Variants in MYPN observed in about 807,000 individuals in gnomAD.
MYPN encodes sarcomeric protein myopalladin, 145 kDa (MYOP).
MYPN carries 63 observed loss-of-function variants against 129.4 expected under a neutral mutation model. The observed-to-expected ratio is 0.49, with a 90% CI of 0.40 to 0.60. The LOEUF (loss-of-function observed/expected upper bound fraction) is 0.60. Ranked by LOEUF, MYPN falls within the 20% of genes least tolerant of loss-of-function variation. The pLI is 0.00. For missense variants in MYPN, 1,596 were observed against 1,635.4 expected, an observed-to-expected ratio of 0.98 and a Z score of 0.42; for synonymous variants, 629 against 600.9, an observed-to-expected ratio of 1.05 and a Z score of -0.68.
At position 68,136,228 on chromosome 10, in the gene MYPN, T is replaced by C. The variant is rs951577123; in HGVS notation, c.903-6712T>C. 3.0e-6 allele frequency: 3 copies of C among 986,166 alleles called. No individual in the cohort carries two copies. The African/African-American group carries it at 5.2e-5, about 17-fold the overall frequency. 61.1% of individuals were successfully genotyped at this position (986,166 alleles called of 1,614,324 possible). On this transcript the variant is annotated intron_variant, in intron 2 of 19. Transcript: ENST00000358913. ...TTCCCAGGCTTGCTAGCTAGCCAAA[T>C]GAGCAGATCTGGCAAGCCATCCTTG...
chr10:68,150,780 C>A (rs1006729716), intron 6 of MYPN, among the ~76,000 whole-genome samples: 2 of 152,076 alleles, frequency 1.3e-5, no homozygotes, highest in Non-Finnish European at 2.9e-5. Context: ...ATATGTTGCC[C>A]AAGCCAGTGA....
At chr10:68,143,903 C>T (rs981751877) in intron 3 of MYPN, among the ~76,000 whole-genome samples, 6 of 152,162 alleles carry the variant, frequency 3.9e-5, no homozygotes, top group South Asian at 2.1e-4. Flanking sequence ...TACAGGCATG[C>T]GCCACCACAC....
intron 2 of MYPN, among the ~76,000 whole-genome samples, chr10:68,132,587 T>G (rs921205342): frequency 6.6e-6 from 1 of 152,176 alleles, no homozygotes; most frequent in South Asian, 2.1e-4. Flanking sequence ...CAGCAGTTAA[T>G]TACTTCAAGT....
chr10:68,210,018 C>T (rs1392114982), intron 19 of MYPN, among the ~76,000 whole-genome samples: 1 of 152,162 alleles, frequency 6.6e-6, no homozygotes, highest in African/African-American at 2.4e-5. Context: ...TCTAATCTCT[C>T]ACTTGTAGGA....
intron 5 of MYPN, among the ~76,000 whole-genome samples, chr10:68,149,229 C>A (rs2042724028): frequency 1.3e-5 from 2 of 152,052 alleles, no homozygotes; most frequent in African/African-American, 4.8e-5. Context: ...CCTCCCACTC[C>A]CCCCCGAAAA....
chr10:68,143,084 A>G lies in MYPN; in HGVS notation c.1047A>G (p.Thr349=), dbSNP rs945893743. The G allele has an allele frequency of 6.2e-7, 1 of 1,614,188 alleles. No homozygotes were observed. Among genetic ancestry groups the G allele is most frequent in the Non-Finnish European group, 8.5e-7 (1 of 1,180,020 alleles). The change falls in exon 3 of 20, where the codon ACA becomes ACG. Residue 349 remains threonine, a synonymous_variant. Transcript: ENST00000358913. ...YSCFASNIYG[T]DSTSAEIYIE... is the part of the protein sequence containing the mutation. ...GCTTTGCTTCTAACATCTATGGGAC[A>G]GATTCGACTTCTGCTGAGATTTATA...
chr10:68,129,249 G>A (rs193043983), intron 2 of MYPN, among the ~76,000 whole-genome samples: 5 of 152,212 alleles, frequency 3.3e-5, no homozygotes, highest in African/African-American at 7.2e-5. Flanking sequence ...GTGCAAAGGG[G>A]TACATTGTTC....
At chr10:68,112,223 G>T (rs1362626182) in intron 1 of MYPN, among the ~76,000 whole-genome samples, 2 of 151,952 alleles carry the variant, frequency 1.3e-5, no homozygotes, top group Non-Finnish European at 2.9e-5. Context: ...CCTTCCATGA[G>T]ACTTTCTATG....
chr10:68,207,397 C>T (rs2043835013), intron 19 of MYPN, among the ~76,000 whole-genome samples: 1 of 152,190 alleles, frequency 6.6e-6, no homozygotes, highest in African/African-American at 2.4e-5. Context: ...TACACTTTTA[C>T]ATTTTACTAT....
chr10:68,125,360 A>G (rs2042309550), intron 2 of MYPN, among the ~76,000 whole-genome samples: 1 of 152,218 alleles, frequency 6.6e-6, no homozygotes. Flanking sequence ...GGAAATTAGT[A>G]GGTATATGCT....
chr10:68,136,623 T>C, intron 2 of MYPN: 3 of 1,528,580 alleles, frequency 2.0e-6, no homozygotes, highest in Admixed American at 4.0e-5. Flanking sequence ...ATCCTGGCCA[T>C]CTGAGTAAGG....
intron 3 of MYPN, among the ~76,000 whole-genome samples, chr10:68,144,233 A>G (rs1418572613): frequency 1.3e-5 from 2 of 152,190 alleles, no homozygotes; most frequent in African/African-American, 4.8e-5. Context: ...CTATATTTGC[A>G]TTCCTATTTT....
intron 10 of MYPN, among the ~76,000 whole-genome samples, chr10:68,169,654 C>T (rs1460501113): frequency 1.3e-5 from 2 of 152,138 alleles, no homozygotes; most frequent in Non-Finnish European, 2.9e-5. Flanking sequence ...TCCAGGTCCC[C>T]TCATGGTCCA....
At chr10:68,176,953 G>A (rs527703326) in intron 12 of MYPN, among the ~76,000 whole-genome samples, 15 of 152,202 alleles carry the variant, frequency 9.9e-5, no homozygotes, top group Non-Finnish European at 1.6e-4. Flanking sequence ...CACCACACTT[G>A]TGGTTGTTAA....
chr10:68,163,244 A>C (rs2043004993), intron 8 of MYPN, among the ~76,000 whole-genome samples: 1 of 152,052 alleles, frequency 6.6e-6, no homozygotes, highest in Non-Finnish European at 1.5e-5. Flanking sequence ...GCAGTGAGCC[A>C]AGATTATGCC....
At chr10:68,146,404 T>C (rs1418775695) in intron 4 of MYPN, among the ~76,000 whole-genome samples, 1 of 152,228 alleles carries the variant, frequency 6.6e-6, no homozygotes, top group African/African-American at 2.4e-5. Flanking sequence ...TGCACACGCA[T>C]CACTGCTTCC....
chr10:68,124,787 G>A (rs973978326), intron 2 of MYPN, among the ~76,000 whole-genome samples: 3 of 152,162 alleles, frequency 2.0e-5, no homozygotes, highest in Non-Finnish European at 2.9e-5. Flanking sequence ...AAGTGAGACC[G>A]TTGGCCTAAG....
intron 6 of MYPN, among the ~76,000 whole-genome samples, chr10:68,157,813 G>C (rs1366267314): frequency 6.6e-6 from 1 of 150,534 alleles, no homozygotes; most frequent in Non-Finnish European, 1.5e-5. Context: ...CTGCACACCA[G>C]CCTGGGAAAG....
At chr10:68,164,798 A>G (rs1589576244) in intron 8 of MYPN, among the ~76,000 whole-genome samples, 1 of 152,246 alleles carries the variant, frequency 6.6e-6, no homozygotes, top group East Asian at 1.9e-4. Context: ...AGAGTAATCC[A>G]TAAGAATTAC....
Sources: allele counts gnomAD v4.1 joint callset (sites outside exome capture counted in the v4.1 genomes callset), GRCh38; gene constraint gnomAD v4.1.1; transcripts MANE v1.5; gene names NCBI Gene and HGNC (gene_info 2026-07-23, HGNC 2026-07-21).